The following ADGRD1 variants were observed in gnomAD, a reference collection of about 807,000 sequenced individuals.
ADGRD1 encodes the protein adhesion G protein-coupled receptor D1.
A neutral mutation model predicts 113.4 loss-of-function variants in ADGRD1; 77 were observed. The observed-to-expected ratio is 0.68, with a 90% CI of 0.57 to 0.82. The LOEUF is 0.82. ADGRD1 is among the 40% of genes least tolerant of loss of function. ADGRD1 has a pLI of 0.00. For synonymous variants in ADGRD1, 474 were observed against 475.0 expected, an observed-to-expected ratio of 1.00 and a Z score of 0.03; for missense variants, 1,036 against 1,139.1, an observed-to-expected ratio of 0.91 and a Z score of 1.30.
chr12:130,988,982 C>T (rs1874033379), intron 6 of ADGRD1: 1 of 152,264 alleles, frequency 6.6e-6, no homozygotes, highest in Admixed American at 6.6e-5. Flanking sequence ...GAGGGGACTC[C>T]CAGGGGACAA....
chr12:131,076,709 C>T, intron 13 of ADGRD1, 92 bp from the exon 14 acceptor site: 2 of 1,103,344 alleles, frequency 1.8e-6, no homozygotes, highest in Non-Finnish European at 2.8e-6. Flanking sequence ...CTGAGGTCGC[C>T]CAGCTGTAAG....
intron 4 of ADGRD1, chr12:130,977,187 C>T (rs1411180345): frequency 6.6e-6 from 1 of 152,286 alleles, no homozygotes; most frequent in Middle Eastern, 3.1e-3. Flanking sequence ...TTCCAGTTTT[C>T]CTCAGCCTGC....
chr12:131,042,471 A>C (rs1206763266), intron 13 of ADGRD1, among the ~76,000 whole-genome samples: 4 of 152,252 alleles, frequency 2.6e-5, no homozygotes, highest in African/African-American at 9.6e-5. Context: ...TGAAGTAGAC[A>C]TAAGAAATTA....
chr12:131,071,032 G>A (rs1885122467), intron 13 of ADGRD1: 1 of 464,886 alleles, frequency 2.2e-6, no homozygotes, highest in Non-Finnish European at 4.4e-6. Context: ...AAGGAGGTGG[G>A]GCTAAGTGAA....
Position 131,136,098 on chromosome 12 carries a change from G to A in ADGRD1, c.2329G>A (p.Val777Met), listed in dbSNP as rs144814859. ...PILGTSWVFG[V>M]LAVNGCAVVF... The stretch of plus-strand genomic sequence containing the variant: ...CCTGGGTACCTCGTGGGTCTTTGGC[G>A]TGCTTGCTGTCAACGGTTGTGCTGT... The change falls in exon 22 of 25, where the codon GTG becomes ATG. Residue 777 changes from valine (V) to methionine (M), a missense_variant. By Grantham distance (21) the Val-to-Met change is conservative. Coordinates refer to ENST00000261654, the MANE Select transcript of ADGRD1 (RefSeq NM_198827.5). 255 of 1,614,206 alleles carry A rather than the reference G, an allele frequency of 1.6e-4. No individual in the cohort carries two copies. Among genetic ancestry groups the A allele is most frequent in the African/African-American group, 1.1e-3 (86 of 75,070 alleles).
chr12:130,993,506 G>A (rs1356386427), intron 8 of ADGRD1, among the ~76,000 whole-genome samples: 1 of 151,606 alleles, frequency 6.6e-6, no homozygotes, highest in African/African-American at 2.4e-5. Flanking sequence ...AGGTCATGGA[G>A]TCTGAGAGGG....
intron 13 of ADGRD1, among the ~76,000 whole-genome samples, chr12:131,037,941 G>C (rs1397191008): frequency 2.0e-5 from 3 of 147,436 alleles, no homozygotes; most frequent in South Asian, 2.2e-4. Context: ...CTCACTGCAT[G>C]GGGCCTCACT....
At chr12:131,043,352 C>T (rs373146840) in intron 13 of ADGRD1, among the ~76,000 whole-genome samples, 3 of 152,208 alleles carry the variant, frequency 2.0e-5, no homozygotes, top group Admixed American at 6.5e-5. Flanking sequence ...GCACTGGAAA[C>T]GGGAGTAGGA....
intron 13 of ADGRD1, among the ~76,000 whole-genome samples, chr12:131,016,153 G>A (rs889904565): frequency 2.6e-5 from 4 of 152,222 alleles, no homozygotes; most frequent in African/African-American, 7.2e-5. Context: ...GCACAGAAGG[G>A]AACCTCCCTC....
At chr12:131,053,361 C>A (rs998065914) in intron 13 of ADGRD1, among the ~76,000 whole-genome samples, 1 of 152,222 alleles carries the variant, frequency 6.6e-6, no homozygotes, top group African/African-American at 2.4e-5. Context: ...TCTTGGAAAC[C>A]CGTCTTCATT....
At chr12:131,101,003 T>C (rs1950058502) in intron 15 of ADGRD1, among the ~76,000 whole-genome samples, 1 of 152,238 alleles carries the variant, frequency 6.6e-6, no homozygotes, top group African/African-American at 2.4e-5. Context: ...GTTACCATTG[T>C]TCCCAGTACT....
intron 19 of ADGRD1, among the ~76,000 whole-genome samples, chr12:131,120,420 C>T (rs765634860): frequency 2.7e-4 from 41 of 152,060 alleles, no homozygotes; most frequent in Admixed American, 8.5e-4. Context: ...TTGGAGGGCA[C>T]GGAGAGAGGG....
intron 23 of ADGRD1, among the ~76,000 whole-genome samples, chr12:131,137,406 A>G (rs557244583): frequency 1.3e-5 from 2 of 152,366 alleles, no homozygotes; most frequent in Admixed American, 1.3e-4. Context: ...TGGGGCAGCC[A>G]GCGCAGGCTT....
rs7315930 is a variant in ADGRD1 at position 131,075,896 on chromosome 12, T to C, written c.1474-905T>C. On this transcript the variant is annotated intron_variant, in intron 13 of 24. Transcript: ENST00000261654. This position sits in a 1 kb window ranked among gnomAD's most constrained non-coding sequence, Gnocchi z 5.3. ...GAGCAGGCATCGGACAAATAAGAGA[T>C]GCTTGACTTGACTGACTGGGAATCC... 0.32 allele frequency among the ~76,000 whole-genome samples: 48,507 copies of C among 151,996 alleles called. 7,989 individuals are homozygous for C. The highest frequency in any genetic ancestry group is 0.49 in the South Asian group (2,331 of 4,796).
rs1472042601 is a variant in ADGRD1 at position 131,140,425 on chromosome 12, C to T, written c.*1162C>T. 1 of 151,896 alleles carries T rather than the reference C, an allele frequency of 6.6e-6. No homozygotes were observed. The highest frequency in any genetic ancestry group is 1.5e-5 in the Non-Finnish European group (1 of 67,978). The allele number at this position is 151,896 out of a possible 1,614,324, so 9.4% of individuals were successfully genotyped here. On this transcript the variant is annotated 3_prime_UTR_variant, in exon 25 of 25. Transcript: ENST00000261654. ...AGGAGATGGGATAATTGTTATGGAC[C>T]CATGTGTGGGCATGATCCTGTGGAA...
At chr12:131,115,809 A>G (rs1479542660) in intron 18 of ADGRD1, among the ~76,000 whole-genome samples, 1 of 152,104 alleles carries the variant, frequency 6.6e-6, no homozygotes, top group Non-Finnish European at 1.5e-5. Flanking sequence ...GATACAGATT[A>G]TTGCAAGATC....
At chr12:131,098,172 A>ACCGCCTTCTCCTGTG (rs1391426237) in intron 15 of ADGRD1, among the ~76,000 whole-genome samples, 1,561 of 118,140 alleles carry the variant, frequency 0.013, 61 homozygotes, top group Non-Finnish European at 0.019. Flanking sequence ...CTTCTCCCGC[A>ACCGCCTTCTCCTGTG]GTGGCTGCTG....
At chr12:131,012,126 A>C (rs1037859499) in intron 12 of ADGRD1, among the ~76,000 whole-genome samples, 1 of 152,074 alleles carries the variant, frequency 6.6e-6, no homozygotes, top group African/African-American at 2.4e-5. Flanking sequence ...TGGAATGTTT[A>C]TGTACGTTCT....
intron 15 of ADGRD1, among the ~76,000 whole-genome samples, chr12:131,093,811 G>C (rs2137264096): frequency 6.6e-6 from 1 of 152,376 alleles, no homozygotes; most frequent in African/African-American, 2.4e-5. Context: ...TGATGTGCCA[G>C]GTGGCCTTGG....
Sources: allele counts gnomAD v4.1 joint callset (sites outside exome capture counted in the v4.1 genomes callset), GRCh38; gene constraint gnomAD v4.1.1; non-coding constraint Gnocchi (gnomAD v3.1); transcripts MANE v1.5; gene names NCBI Gene and HGNC (gene_info 2026-07-23, HGNC 2026-07-21).